Variants in NEDD4L observed in about 807,000 individuals in gnomAD.
NEDD4L encodes the protein E3 ubiquitin-protein ligase NEDD4-like.
In NEDD4L, 54 loss-of-function variants were observed where a neutral mutation model predicts 148.9. The ratio of observed to expected loss-of-function variants is 0.36; its 90% CI spans 0.29 to 0.45. The LOEUF is 0.45. NEDD4L is among the 20% of genes least tolerant of loss of function. The probability of loss-of-function intolerance (pLI) is 1.00; values close to 1 mark genes in which losing one functional copy is unlikely to be tolerated. For missense variants in NEDD4L, 856 were observed against 1,233.8 expected, an observed-to-expected ratio of 0.69 and a Z score of 4.59; for synonymous variants, 433 against 440.7, an observed-to-expected ratio of 0.98 and a Z score of 0.22.
chr18:58,176,522 G>T (rs954100018), intron 2 of NEDD4L, among the ~76,000 whole-genome samples: 1 of 152,126 alleles, frequency 6.6e-6, no homozygotes, highest in South Asian at 2.1e-4. Flanking sequence ...TTTTATAGAG[G>T]TGTTGTCTTG....
intron 1 of NEDD4L, among the ~76,000 whole-genome samples, chr18:58,055,751 C>CGAGAG (rs2082060077): frequency 1.3e-5 from 2 of 152,208 alleles, no homozygotes; most frequent in Non-Finnish European, 2.9e-5. Flanking sequence ...TCATTTCTCT[C>CGAGAG]CACTGTGGAC....
chr18:58,081,376 C>T (rs1168710266), intron 1 of NEDD4L, among the ~76,000 whole-genome samples: 6 of 151,850 alleles, frequency 4.0e-5, no homozygotes, highest in African/African-American at 7.3e-5. Flanking sequence ...CCACCGCGCC[C>T]GGCTAATTTT....
intron 5 of NEDD4L, among the ~76,000 whole-genome samples, chr18:58,302,607 A>T (rs891283741): frequency 6.6e-6 from 1 of 152,246 alleles, no homozygotes; most frequent in African/African-American, 2.4e-5. Context: ...CTCAACAGTC[A>T]ATTTAAAATA....
chr18:58,232,013 T>A lies in NEDD4L; in HGVS notation c.123-13414T>A, dbSNP rs138783071. Among the ~76,000 whole-genome samples, 18 of 152,344 alleles carry A rather than the reference T, an allele frequency of 1.2e-4. No homozygotes were observed. In the East Asian group the frequency reaches 3.5e-3, roughly 29 times the overall value. ...ATTATAGGAGAGGTGCATTTTGTTCTATGTAAATTATCTTGATGTGTCCCC... is the reference window on the plus strand; with the variant it reads ...ATTATAGGAGAGGTGCATTTTGTTCAATGTAAATTATCTTGATGTGTCCCC... On this transcript the variant is annotated intron_variant, in intron 2 of 30. Transcript: ENST00000400345.
intron 1 of NEDD4L, chr18:58,149,432 T>G: frequency 5.9e-6 from 9 of 1,525,682 alleles, no homozygotes; most frequent in East Asian, 2.5e-5. Flanking sequence ...AAAGTTACCC[T>G]TGGCTGCAGC....
intron 1 of NEDD4L, among the ~76,000 whole-genome samples, chr18:58,164,392 A>C (rs2146587645): frequency 6.6e-6 from 1 of 152,328 alleles, no homozygotes; most frequent in South Asian, 2.1e-4. Flanking sequence ...TGTCAGTGAA[A>C]TCTTTTAAAA....
At chr18:58,139,408 G>GA (rs1005201352) in intron 1 of NEDD4L, among the ~76,000 whole-genome samples, 1 of 151,740 alleles carries the variant, frequency 6.6e-6, no homozygotes, top group Admixed American at 6.6e-5. Flanking sequence ...TGCTGGCAGG[G>GA]AAAAAAATTG....
At chr18:58,372,138 G>A (rs1001386240) in intron 23 of NEDD4L, 5 of 152,126 alleles carry the variant, frequency 3.3e-5, no homozygotes, top group African/African-American at 1.2e-4. Context: ...TTTGGCGATA[G>A]AATCTTATTC....
At chr18:58,380,917 A>G (rs1019338358) in intron 24 of NEDD4L, among the ~76,000 whole-genome samples, 5 of 152,188 alleles carry the variant, frequency 3.3e-5, no homozygotes, top group East Asian at 1.9e-4. Context: ...AGTCTATAAC[A>G]TTCTAATGAC....
At chr18:58,206,814 T>C (rs962096973) in intron 2 of NEDD4L, among the ~76,000 whole-genome samples, 2 of 152,130 alleles carry the variant, frequency 1.3e-5, no homozygotes, top group Non-Finnish European at 2.9e-5. Flanking sequence ...TTGACCTCAT[T>C]GGGCAAATAT....
Position 58,396,908 on chromosome 18 carries a change from C to G in NEDD4L, c.*639C>G, listed in dbSNP as rs59970854. ...ACATAATGATAATTTTTTCCATACT[C>G]AGAATGAAAAACTGGATATTACGTT... On this transcript the variant is annotated 3_prime_UTR_variant, in exon 31 of 31. Transcript: ENST00000400345. 85 of 152,636 alleles carry G rather than the reference C, an allele frequency of 5.6e-4. No homozygotes were observed. Among genetic ancestry groups the G allele is most frequent in the African/African-American group, 2.0e-3 (84 of 41,522 alleles). The allele number at this position is 152,636 out of a possible 1,614,324, so 9.5% of individuals were successfully genotyped here.
intron 2 of NEDD4L, among the ~76,000 whole-genome samples, chr18:58,237,048 T>TAAC (rs1015738012): frequency 4.6e-5 from 7 of 151,086 alleles, no homozygotes; most frequent in Admixed American, 6.6e-5. Flanking sequence ...ATAATAATAA[T>TAAC]AACAACAATA....
intron 1 of NEDD4L, among the ~76,000 whole-genome samples, chr18:58,053,602 C>T (rs949688459): frequency 9.9e-5 from 15 of 152,204 alleles, no homozygotes; most frequent in African/African-American, 3.6e-4. Context: ...AGCCACCGTG[C>T]CCGGCCAACA....
In NEDD4L at chr18:58,325,114, A is replaced by T. The variant is rs2059194969; in HGVS notation, c.632A>T (p.Tyr211Phe). 2 of 1,613,918 alleles carry T rather than the reference A, an allele frequency of 1.2e-6. No individual in the cohort carries two copies. Among genetic ancestry groups the T allele is most frequent in the African/African-American group, 1.3e-5 (1 of 74,940 alleles). ...GTGGACAATTTAGGCCGAACTTACT[A>T]TGTCAACCACAACAACCGGACCACT... ...EKVDNLGRTY[Y>F]VNHNNRTTQW... Residue 211 changes from tyrosine to phenylalanine, a missense_variant, in exon 9 of 31, where the codon TAT becomes TTT. Tyr to Phe is a conservative substitution (Grantham distance 22). Transcript: ENST00000400345.
chr18:58,385,608 T>C, intron 26 of NEDD4L, 22 bp downstream of exon 26: 1 of 1,604,596 alleles, frequency 6.2e-7, no homozygotes, highest in African/African-American at 1.3e-5. Flanking sequence ...TGGCCAGGGT[T>C]CTCTGCCATG....
chr18:58,140,943 G>C (rs763528410), intron 1 of NEDD4L, among the ~76,000 whole-genome samples: 42 of 152,234 alleles, frequency 2.8e-4, no homozygotes, highest in Non-Finnish European at 4.0e-4. Flanking sequence ...ATATGGTTCT[G>C]ATAAGAGTGA....
chr18:58,049,003 C>T (rs951691135), intron 1 of NEDD4L, among the ~76,000 whole-genome samples: 6 of 152,096 alleles, frequency 3.9e-5, no homozygotes, highest in Non-Finnish European at 7.3e-5. Context: ...TCATGTACCA[C>T]GAAGAAAAAA....
chr18:58,395,988 A>G (rs1174427842), intron 30 of NEDD4L, among the ~76,000 whole-genome samples, 179 bp from the exon 31 acceptor site: 2 of 152,172 alleles, frequency 1.3e-5, no homozygotes, highest in Admixed American at 1.3e-4. Flanking sequence ...TCTGTAAATT[A>G]CAAGAGCTTA....
At chr18:58,133,730 T>C (rs1271606232) in intron 1 of NEDD4L, among the ~76,000 whole-genome samples, 1 of 152,194 alleles carries the variant, frequency 6.6e-6, no homozygotes, top group Non-Finnish European at 1.5e-5. Context: ...TCTGTGCTCA[T>C]TCATAAGGTG....
Sources: gnomAD v4.1 joint callset for allele counts (sites outside exome capture counted in the v4.1 genomes callset) on GRCh38, gnomAD v4.1.1 for gene constraint, MANE v1.5 for transcripts, NCBI Gene and HGNC (gene_info 2026-07-23, HGNC 2026-07-21) for gene names.